Variants in CEACAM16 observed in about 807,000 individuals in gnomAD.
CEACAM16 encodes the protein CEA cell adhesion molecule 16, tectorial membrane component, also known as cell adhesion molecule CEACAM16.
Under a neutral mutation model 39.4 loss-of-function variants are expected in CEACAM16, and 30 were observed. That is an observed-to-expected ratio of 0.76 (90% CI 0.57 to 1.03). The LOEUF (loss-of-function observed/expected upper bound fraction) is 1.03, where lower values mean the gene tolerates loss of function less well. Ranked by LOEUF, CEACAM16 falls within the 50% of genes least tolerant of loss-of-function variation. The pLI is 0.00. For synonymous variants in CEACAM16, 262 were observed against 264.9 expected, an observed-to-expected ratio of 0.99 and a Z score of 0.11; for missense variants, 521 against 585.3, an observed-to-expected ratio of 0.89 and a Z score of 1.13.
chr19:44,706,760 A>G (rs146505129), intron 5 of CEACAM16, among the ~76,000 whole-genome samples: 3 of 152,156 alleles, frequency 2.0e-5, no homozygotes, highest in Admixed American at 6.5e-5. Context: ...CAGTCCAAGA[A>G]GGGGGGTGTC....
At chr19:44,707,035 A>G (rs1036013374) in intron 5 of CEACAM16, among the ~76,000 whole-genome samples, 1 of 152,214 alleles carries the variant, frequency 6.6e-6, no homozygotes, top group Non-Finnish European at 1.5e-5. Context: ...GTCAGTAATG[A>G]GGGAGATATG....
In CEACAM16 at chr19:44,708,188, G is replaced by A. The variant is rs766512544; in HGVS notation, c.1267+1G>A. ...CTGGAAGTGGAGCTGCAGGTGGCCCGTGAGTGTGTGGGAAGGGGCAAGGCG... is the reference window on the plus strand; with the variant it reads ...CTGGAAGTGGAGCTGCAGGTGGCCCATGAGTGTGTGGGAAGGGGCAAGGCG... On this transcript the variant is annotated splice_donor_variant, in intron 6 of 6. Transcript: ENST00000587331. LOFTEE classifies it high-confidence loss of function. The A allele has an allele frequency of 1.2e-5, 19 of 1,561,290 alleles. No homozygotes were observed. The highest frequency in any genetic ancestry group is 2.7e-5 in the African/African-American group (2 of 73,838).
At chr19:44,699,728 A>G (rs1457849439) in intron 1 of CEACAM16, among the ~76,000 whole-genome samples, 1 of 152,160 alleles carries the variant, frequency 6.6e-6, no homozygotes, top group East Asian at 1.9e-4. Context: ...AGGCATACCA[A>G]TCAGACCCAC....
At position 44,699,165 on chromosome 19, in the gene CEACAM16, C is replaced by G; in HGVS notation, c.-192C>G. 1 of 507,926 alleles carries G rather than the reference C, an allele frequency of 2.0e-6. No homozygotes were observed. Among genetic ancestry groups the G allele is most frequent in the South Asian group, 1.5e-5 (1 of 68,244 alleles). 31.5% of individuals were successfully genotyped at this position (507,926 alleles called of 1,614,324 possible). On this transcript the variant is annotated 5_prime_UTR_variant, in exon 1 of 7. Coordinates refer to ENST00000587331, the MANE Select transcript of CEACAM16 (RefSeq NM_001039213.4). The stretch of plus-strand genomic sequence containing the variant: ...CTTGTGCACGGCTGCATCCTCAGCG[C>G]CTAGAACAGCACCTGGCAAACAATA...
chr19:44,707,976 C>T lies in CEACAM16; in HGVS notation c.1056C>T (p.Arg352=), dbSNP rs769789317. 1.2e-4 allele frequency: 190 copies of T among 1,604,126 alleles called. 1 individual carries two copies. The highest frequency in any genetic ancestry group is 4.5e-4 in the East Asian group (20 of 44,464). ...ACCTGCTGGTCTACGCCTGGTACCG[C>T]GGGCCTGCCTCCGAGCCCAACCGGC... is the stretch of plus-strand genomic sequence containing the variant. ...PKDLLVYAWY[R]GPASEPNRLL... The change falls in exon 6 of 7, where the codon CGC becomes CGT. Residue 352 remains arginine, a synonymous_variant. Coordinates refer to ENST00000587331, the MANE Select transcript of CEACAM16 (RefSeq NM_001039213.4).
At chr19:44,705,333 G>T (rs1568528049) in intron 4 of CEACAM16, among the ~76,000 whole-genome samples, 1 of 151,978 alleles carries the variant, frequency 6.6e-6, no homozygotes, top group African/African-American at 2.4e-5. Context: ...TGTCAATGGA[G>T]CCATAGATTT....
rs144922396 is a variant in CEACAM16, at chr19:44,701,965, C to G, written c.37+472C>G. Among the ~76,000 whole-genome samples, 163 of 152,186 alleles carry G rather than the reference C, an allele frequency of 1.1e-3. No individual in the cohort carries two copies. The East Asian group carries it at 0.02, about 18-fold the overall frequency. On this transcript the variant is annotated intron_variant, in intron 2 of 6. Coordinates refer to ENST00000587331, the MANE Select transcript of CEACAM16 (RefSeq NM_001039213.4). The surrounding 1 kb of genome is among the most constrained non-coding windows in gnomAD (Gnocchi z 4.0). ...AGCAGCACCACATATGCCGTGTGCC[C>G]GGAGCTGTTCTGAGAGCTTCTCATG...
At chr19:44,708,214 T>C (rs2122205245) in intron 6 of CEACAM16, 27 bp downstream of exon 6, 1 of 1,496,260 alleles carries the variant, frequency 6.7e-7, no homozygotes, top group East Asian at 2.5e-5. Flanking sequence ...GGGCAAGGCG[T>C]GCCCCTTTTT....
rs765540086 is a variant in CEACAM16, at chr19:44,699,184, A to G, written c.-173A>G. The stretch of plus-strand genomic sequence containing the variant: ...TCAGCGCCTAGAACAGCACCTGGCA[A>G]ACAATAGGTGCTCATTCAGTATTTG... On this transcript the variant is annotated 5_prime_UTR_variant, in exon 1 of 7. Transcript: ENST00000587331. The G allele has an allele frequency of 1.7e-5, 9 of 521,838 alleles. No individual in the cohort carries two copies. The East Asian group carries it at 3.8e-4, about 22-fold the overall frequency. The allele number at this position is 521,838 out of a possible 1,614,324, so 32.3% of individuals were successfully genotyped here. A position where few individuals can be genotyped will look rare whatever the true frequency, so the allele number is the denominator to read the frequency against.
At position 44,706,269 on chromosome 19, in the gene CEACAM16, TACAC is replaced by T. The variant is rs57354088; in HGVS notation, c.940+441_940+444del. Among the ~76,000 whole-genome samples, 1,326 of 132,672 alleles carry T rather than the reference TACAC, an allele frequency of 1.0e-2. 5 individuals are homozygous for T. The highest frequency in any genetic ancestry group is 0.02 in the African/African-American group (698 of 35,442). The allele number at this position is 132,672 out of a possible 152,430, so 87.0% of individuals were successfully genotyped here. On this transcript the variant is annotated intron_variant, in intron 5 of 6. Transcript: ENST00000587331. Reference sequence around the variant, plus strand: ...AGTTATCTGACCCAGATGATGGGTATACACACACACACACACACACACACACACA... The same window carrying T: ...AGTTATCTGACCCAGATGATGGGTATACACACACACACACACACACACACA...
At chr19:44,706,230 C>T (rs1974445703) in intron 5 of CEACAM16, among the ~76,000 whole-genome samples, 2 of 150,610 alleles carry the variant, frequency 1.3e-5, no homozygotes, top group Middle Eastern at 3.4e-3. Context: ...TCTGTGCAGC[C>T]AACTAGACTA....
Position 44,701,330 on chromosome 19 carries a change from C to A in CEACAM16, c.-96-31C>A. 1 of 1,017,930 alleles carries A rather than the reference C, an allele frequency of 9.8e-7. No individual in the cohort carries two copies. The allele number at this position is 1,017,930 out of a possible 1,614,324, so 63.1% of individuals were successfully genotyped here. On this transcript the variant is annotated intron_variant, in intron 1 of 6. Coordinates refer to ENST00000587331, the MANE Select transcript of CEACAM16 (RefSeq NM_001039213.4). The surrounding 1 kb of genome is among the most constrained non-coding windows in gnomAD (Gnocchi z 4.0). Reference sequence around the variant, plus strand: ...CGATCCCTCCAAATTCAGGTGATCTCCCCTGGCTCCAAATCACCAAACCCT... The same window carrying A: ...CGATCCCTCCAAATTCAGGTGATCTACCCTGGCTCCAAATCACCAAACCCT...
chr19:44,709,109 G>C (rs62120570), intron 6 of CEACAM16, among the ~76,000 whole-genome samples: 2 of 143,722 alleles, frequency 1.4e-5, no homozygotes, highest in South Asian at 2.2e-4. Context: ...TGTTTCCTCC[G>C]TCAGACTGGG....
At chr19:44,709,826 A>C (rs1227939266) in intron 6 of CEACAM16, among the ~76,000 whole-genome samples, 3 of 149,254 alleles carry the variant, frequency 2.0e-5, no homozygotes, top group Non-Finnish European at 4.5e-5. Flanking sequence ...CTCCTCCATC[A>C]GACTGGGAGC....
intron 1 of CEACAM16, chr19:44,699,556 T>C (rs1158659031): frequency 2.6e-6 from 1 of 386,296 alleles, no homozygotes; most frequent in East Asian, 7.2e-5. Context: ...TTTGTATTTT[T>C]AGTAGAGACA....
Position 44,701,356 on chromosome 19 carries a change from C to T in CEACAM16, c.-96-5C>T. 1 of 1,296,566 alleles carries T rather than the reference C, an allele frequency of 7.7e-7. No homozygotes were observed. The highest frequency in any genetic ancestry group is 2.0e-5 in the Admixed American group (1 of 50,680). 80.3% of individuals were successfully genotyped at this position (1,296,566 alleles called of 1,614,324 possible). ...CCCTGGCTCCAAATCACCAAACCCT[C>T]CCAGGTCCTGCGGCAGACGGAGCCG... On this transcript the variant is annotated splice_polypyrimidine_tract_variant and splice_region_variant and intron_variant, in intron 1 of 6. Transcript: ENST00000587331. This position sits in a 1 kb window ranked among gnomAD's most constrained non-coding sequence, Gnocchi z 4.0.
At chr19:44,702,581 G>A (rs966766010) in intron 2 of CEACAM16, among the ~76,000 whole-genome samples, 6 of 152,260 alleles carry the variant, frequency 3.9e-5, no homozygotes, top group East Asian at 3.8e-4. Flanking sequence ...AAGCAGCCCC[G>A]ACCAGCTCAT....
intron 3 of CEACAM16, 27 bp from the exon 4 acceptor site, chr19:44,703,991 C>T (rs765825648): frequency 6.4e-7 from 1 of 1,558,140 alleles, no homozygotes; most frequent in East Asian, 2.3e-5. Flanking sequence ...GTCCGGCCCC[C>T]TCCCCCTCTG....
rs894826153 is a variant in CEACAM16, at chr19:44,709,433, C to T, written c.1268-1063C>T. Reference sequence around the variant, plus strand: ...ACCGGGAGCTCCCAGAGTCAGGGACCATGTCTCCTTCATCAGACTGGGAGC... The same window carrying T: ...ACCGGGAGCTCCCAGAGTCAGGGACTATGTCTCCTTCATCAGACTGGGAGC... On this transcript the variant is annotated intron_variant, in intron 6 of 6. Transcript: ENST00000587331. 5.0e-5 allele frequency among the ~76,000 whole-genome samples: 7 copies of T among 140,014 alleles called. 1 individual carries two copies. Among genetic ancestry groups the T allele is most frequent in the Admixed American group, 7.2e-5 (1 of 13,924 alleles). 91.9% of individuals were successfully genotyped at this position (140,014 alleles called of 152,430 possible). A position where few individuals can be genotyped will look rare whatever the true frequency, so the allele number is the denominator to read the frequency against.
Sources: gnomAD v4.1 joint callset for allele counts (sites outside exome capture counted in the v4.1 genomes callset) on GRCh38, gnomAD v4.1.1 for gene constraint, Gnocchi (gnomAD v3.1) non-coding constraint, MANE v1.5 for transcripts, NCBI Gene and HGNC (gene_info 2026-07-23, HGNC 2026-07-21) for gene names.